The following HUNK variants were observed in gnomAD, a reference collection of about 807,000 sequenced individuals.
The protein encoded by HUNK is hormonally up-regulated Neu-associated kinase.
In HUNK, 21 loss-of-function variants were observed where a neutral mutation model predicts 61.0. That is an observed-to-expected ratio of 0.34 (90% CI 0.24 to 0.50). HUNK has a LOEUF of 0.50. HUNK is among the 20% of genes least tolerant of loss of function. The pLI is 0.98. For missense variants in HUNK, 772 were observed against 945.7 expected (o/e 0.82, Z 2.41); for synonymous variants, 371 against 386.1 (o/e 0.96, Z 0.46).
Position 31,974,650 on chromosome 21 carries a change from A to G in HUNK, c.1106A>G (p.Asn369Ser), listed in dbSNP as rs761084683. 2 of 1,613,776 alleles carry G rather than the reference A, an allele frequency of 1.2e-6. No individual in the cohort carries two copies. The highest frequency in any genetic ancestry group is 1.7e-6 in the Non-Finnish European group (2 of 1,179,992). ...NSDVINTVLS[N>S]RACHILAIYF... ...GACGTGATCAACACTGTGCTCTCCA[A>G]CCGCGCCTGCCACATCCTGGCCATC... Residue 369 changes from asparagine (N) to serine (S), a missense_variant, in exon 7 of 11, where the codon AAC becomes AGC. Physicochemically the swap from Asn to Ser is conservative, Grantham distance 46. Coordinates refer to ENST00000270112, the MANE Select transcript of HUNK (RefSeq NM_014586.2).
chr21:31,999,461 T>C lies in HUNK; in HGVS notation c.*277T>C. ...TCACCAACCCCTTCCACTTCCCACTTCCCCCAGGCTTGGGGGGAAAACAGG... is the reference window on the plus strand; with the variant it reads ...TCACCAACCCCTTCCACTTCCCACTCCCCCCAGGCTTGGGGGGAAAACAGG... On this transcript the variant is annotated 3_prime_UTR_variant, in exon 11 of 11. Transcript: ENST00000270112. The C allele has an allele frequency of 2.6e-6, 1 of 388,872 alleles. No homozygotes were observed. The highest frequency in any genetic ancestry group is 4.6e-6 in the Non-Finnish European group (1 of 217,980). 24.1% of individuals were successfully genotyped at this position (388,872 alleles called of 1,614,324 possible). A position where few individuals can be genotyped will look rare whatever the true frequency, so the allele number is the denominator to read the frequency against.
Position 31,959,022 on chromosome 21 carries a change from T to C in HUNK, c.874+52T>C, listed in dbSNP as rs367778704. 121 of 1,478,536 alleles carry C rather than the reference T, an allele frequency of 8.2e-5. No individual in the cohort carries two copies. The African/African-American group carries it at 1.6e-3, about 19-fold the overall frequency. The allele number at this position is 1,478,536 out of a possible 1,614,324, so 91.6% of individuals were successfully genotyped here. A position where few individuals can be genotyped will look rare whatever the true frequency, so the allele number is the denominator to read the frequency against. The stretch of plus-strand genomic sequence containing the variant: ...GGTTCAGGACTGCTGTCGTGACCAG[T>C]TCGGGTCTACCTGTGAAACAGTATT... On this transcript the variant is annotated intron_variant, in intron 5 of 10. Transcript: ENST00000270112.
rs749847029 is a variant in HUNK at position 31,999,063 on chromosome 21, G to A, written c.2024G>A (p.Arg675His). 1.8e-5 allele frequency: 29 copies of A among 1,614,078 alleles called. No homozygotes were observed. Among genetic ancestry groups the A allele is most frequent in the South Asian group, 2.2e-5 (2 of 91,086 alleles). Reference protein sequence around the residue: ...MMGIGQMLRKRHQSLQPSADR... With the variant: ...MMGIGQMLRKHHQSLQPSADR... ...GGCATCGGACAGATGTTAAGGAAGC[G>A]CCATCAGAGTCTGCAGCCATCTGCA... is the stretch of plus-strand genomic sequence containing the variant. Residue 675 changes from arginine (R) to histidine (H), a missense_variant, in exon 11 of 11, where the codon CGC becomes CAC. By Grantham distance (29) the Arg-to-His change is conservative. Transcript: ENST00000270112.
At chr21:31,936,067 G>A (rs1035455628) in intron 2 of HUNK, among the ~76,000 whole-genome samples, 6 of 152,192 alleles carry the variant, frequency 3.9e-5, no homozygotes, top group Non-Finnish European at 8.8e-5. Context: ...AAAGTGCTGG[G>A]ATTATGGGTG....
chr21:31,923,895 G>A (rs1168888471), intron 1 of HUNK, among the ~76,000 whole-genome samples: 1 of 152,202 alleles, frequency 6.6e-6, no homozygotes, highest in Non-Finnish European at 1.5e-5. Context: ...AAGGGAAGGA[G>A]GTAGACCCTG....
At chr21:31,887,347 A>G (rs193174829) in intron 1 of HUNK, among the ~76,000 whole-genome samples, 304 of 152,312 alleles carry the variant, frequency 2.0e-3, no homozygotes, top group African/African-American at 6.8e-3. Context: ...GATGTTTCCC[A>G]TGGAGATATA....
intron 1 of HUNK, among the ~76,000 whole-genome samples, chr21:31,921,733 G>T (rs2052623948): frequency 6.6e-6 from 1 of 152,146 alleles, no homozygotes; most frequent in Non-Finnish European, 1.5e-5. Context: ...TCACCCTGGG[G>T]GTGGCCAGAC....
intron 1 of HUNK, among the ~76,000 whole-genome samples, chr21:31,881,186 A>G (rs1404071575): frequency 1.3e-5 from 2 of 152,180 alleles, no homozygotes; most frequent in African/African-American, 2.4e-5. Flanking sequence ...ACTGAAAGAG[A>G]CAGGGTCAGA....
At chr21:31,877,093 G>T (rs2052268799) in intron 1 of HUNK, among the ~76,000 whole-genome samples, 1 of 152,188 alleles carries the variant, frequency 6.6e-6, no homozygotes, top group South Asian at 2.1e-4. Context: ...CTGAAAGAGG[G>T]CATAGGGAAA....
chr21:31,931,920 G>C (rs189448439), intron 2 of HUNK, among the ~76,000 whole-genome samples: 1 of 151,882 alleles, frequency 6.6e-6, no homozygotes, highest in Admixed American at 6.6e-5. Flanking sequence ...GCATGCACGC[G>C]CGCACACACA....
intron 1 of HUNK, among the ~76,000 whole-genome samples, chr21:31,899,001 TGA>T (rs1331634093): frequency 6.6e-6 from 1 of 152,180 alleles, no homozygotes; most frequent in Non-Finnish European, 1.5e-5. Context: ...AACTGAATGA[TGA>T]TAAGCTGCTC....
At chr21:31,933,851 G>A (rs909931619) in intron 2 of HUNK, among the ~76,000 whole-genome samples, 4 of 150,926 alleles carry the variant, frequency 2.7e-5, no homozygotes, top group Non-Finnish European at 4.4e-5. Context: ...CTCTTCAGAC[G>A]GCAGGACTGA....
intron 2 of HUNK, among the ~76,000 whole-genome samples, chr21:31,939,399 GTTTTTTTT>G (rs398036365): frequency 6.0e-5 from 4 of 66,720 alleles, no homozygotes; most frequent in East Asian, 4.7e-4. Context: ...GCTTTCATGT[GTTTTTTTT>G]TTTTTTTTTT....
chr21:31,922,429 C>T (rs1231506290), intron 1 of HUNK, among the ~76,000 whole-genome samples: 5 of 151,894 alleles, frequency 3.3e-5, no homozygotes, highest in African/African-American at 1.2e-4. Context: ...TGGGTTCAAG[C>T]GATTCTCCTG....
intron 1 of HUNK, among the ~76,000 whole-genome samples, chr21:31,896,613 A>G (rs141506809): frequency 6.6e-6 from 1 of 152,310 alleles, no homozygotes; most frequent in Non-Finnish European, 1.5e-5. Flanking sequence ...TTGTCCCTCT[A>G]GTGGTTTCTT....
At chr21:31,922,932 C>T (rs762046624) in intron 1 of HUNK, among the ~76,000 whole-genome samples, 5 of 152,148 alleles carry the variant, frequency 3.3e-5, no homozygotes, top group African/African-American at 4.8e-5. Context: ...ATCCTGCACC[C>T]GGAGGCTCCA....
chr21:31,987,831 G>A (rs1164383058), intron 8 of HUNK, among the ~76,000 whole-genome samples: 1 of 152,236 alleles, frequency 6.6e-6, no homozygotes, highest in Non-Finnish European at 1.5e-5. Flanking sequence ...TTCGGAGCCA[G>A]AGGACCTTCC....
chr21:31,952,839 G>A (rs1212242141), intron 4 of HUNK, among the ~76,000 whole-genome samples: 1 of 149,618 alleles, frequency 6.7e-6, no homozygotes, highest in Non-Finnish European at 1.5e-5. Context: ...ATTTCATTCT[G>A]CTGGAAAAAC....
chr21:31,889,561 T>C lies in HUNK; in HGVS notation c.261+15626T>C, dbSNP rs1348801447. ...GTTGAACATTTACATTTAATAATAC[T>C]AATAAAGAAAACTTGTTTTGAAAAC... On this transcript the variant is annotated intron_variant, in intron 1 of 10. Coordinates refer to ENST00000270112, the MANE Select transcript of HUNK (RefSeq NM_014586.2). Among the ~76,000 whole-genome samples the C allele has an allele frequency of 2.0e-5, 3 of 152,236 alleles. No individual in the cohort carries two copies. The East Asian group carries it at 5.8e-4, about 29-fold the overall frequency.
Sources: gnomAD v4.1 joint callset for allele counts (sites outside exome capture counted in the v4.1 genomes callset) on GRCh38, gnomAD v4.1.1 for gene constraint, MANE v1.5 for transcripts, NCBI Gene and HGNC (gene_info 2026-07-23, HGNC 2026-07-21) for gene names.